Variants in NDUFAF6 observed in about 807,000 individuals in gnomAD.
NDUFAF6 encodes the protein NADH dehydrogenase (ubiquinone) complex I, assembly factor 6.
In NDUFAF6, 45 loss-of-function variants were observed where a neutral mutation model predicts 40.8. That is an observed-to-expected ratio of 1.10 (90% CI 0.87 to 1.42). NDUFAF6 has a LOEUF of 1.42. Ranked by LOEUF, NDUFAF6 falls within the 40% of genes most tolerant of loss-of-function variation. The pLI is 0.00. For synonymous variants in NDUFAF6, 185 were observed against 155.9 expected (o/e 1.19, Z -1.39); for missense variants, 435 against 418.5 (o/e 1.04, Z -0.34).
Position 95,057,827 on chromosome 8 carries a change from C to T in NDUFAF6, c.892C>T (p.Leu298=). The T allele has an allele frequency of 6.2e-7, 1 of 1,610,744 alleles. No homozygotes were observed. The highest frequency in any genetic ancestry group is 1.1e-5 in the South Asian group (1 of 90,978). The stretch of plus-strand genomic sequence containing the variant: ...TTTCCAGGTTTCTCTAGAGGACTTT[C>T]TAAAGAAAATTCAGCGAGTGGATTT... ...FLQTVSLEDF[L]KKIQRVDFDI... Residue 298 remains leucine, a synonymous_variant, in exon 9 of 9, where the codon CTA becomes TTA. Transcript: ENST00000396124.
intron 2 of NDUFAF6, among the ~76,000 whole-genome samples, chr8:94,992,683 G>A (rs1437671495): frequency 1.3e-5 from 2 of 152,128 alleles, no homozygotes. Flanking sequence ...CTCAGTTTCT[G>A]TCCTCCTTGA....
chr8:94,915,441 G>A (rs993256241), intron 1 of NDUFAF6, among the ~76,000 whole-genome samples: 4 of 152,116 alleles, frequency 2.6e-5, no homozygotes, highest in Admixed American at 6.5e-5. Context: ...TGGTATATGT[G>A]TACCATGTTT....
intron 2 of NDUFAF6, among the ~76,000 whole-genome samples, chr8:95,005,267 A>T (rs756103475): frequency 1.3e-5 from 2 of 152,038 alleles, no homozygotes; most frequent in African/African-American, 4.8e-5. Context: ...ATATCTTGAG[A>T]TGTGACAAAG....
At chr8:94,905,168 C>G (rs1438431024) in intron 1 of NDUFAF6, among the ~76,000 whole-genome samples, 1 of 152,048 alleles carries the variant, frequency 6.6e-6, no homozygotes, top group Non-Finnish European at 1.5e-5. Context: ...GCATTGCACT[C>G]TAGCCCAACT....
chr8:95,114,322 G>A (rs532401578), intron 4 of NDUFAF6, among the ~76,000 whole-genome samples: 1 of 152,280 alleles, frequency 6.6e-6, no homozygotes, highest in Non-Finnish European at 1.5e-5. Context: ...GAACCCCAGT[G>A]GTTCCCTGAC....
chr8:94,970,271 A>AAAG (rs1462257907), intron 1 of NDUFAF6, among the ~76,000 whole-genome samples: 5 of 151,584 alleles, frequency 3.3e-5, no homozygotes, highest in African/African-American at 1.2e-4. Context: ...AAAAAAAAAA[A>AAAG]AAGAAGAAGG....
chr8:95,102,443 A>G (rs1409098589), intron 2 of NDUFAF6, among the ~76,000 whole-genome samples: 1 of 152,260 alleles, frequency 6.6e-6, no homozygotes, highest in Non-Finnish European at 1.5e-5. Flanking sequence ...CTAAGGAAGA[A>G]TCTGCTACTG....
chr8:94,925,901 A>AC (rs1236764853), intron 1 of NDUFAF6: 1 of 52,534 alleles, frequency 1.9e-5, no homozygotes, highest in African/African-American at 3.8e-5. Flanking sequence ...CTTTTGGACA[A>AC]AAAAACTAAA....
chr8:94,952,010 A>G (rs1394087797), intron 2 of NDUFAF6, among the ~76,000 whole-genome samples: 2 of 152,244 alleles, frequency 1.3e-5, no homozygotes, highest in Non-Finnish European at 2.9e-5. Context: ...AATTCACAGA[A>G]TAATTCTTAG....
intron 1 of NDUFAF6, among the ~76,000 whole-genome samples, chr8:94,907,460 G>A (rs1239000518): frequency 2.6e-5 from 4 of 152,150 alleles, no homozygotes; most frequent in African/African-American, 9.7e-5. Context: ...CCTAGAAAAG[G>A]GTAGAGCTCA....
At chr8:95,052,372 G>C (rs1465588557) in intron 8 of NDUFAF6, 142 bp downstream of exon 8, 1 of 873,820 alleles carries the variant, frequency 1.1e-6, no homozygotes, top group Admixed American at 2.2e-5. Flanking sequence ...GCTTTCATTA[G>C]TTACTGATGC....
chr8:94,992,745 G>A (rs546177149), intron 2 of NDUFAF6, among the ~76,000 whole-genome samples: 5 of 152,218 alleles, frequency 3.3e-5, no homozygotes, highest in South Asian at 2.1e-4. Flanking sequence ...TGTTCATGAC[G>A]CAAACATTCT....
chr8:95,024,910 C>G (rs1308251259), upstream of NDUFAF6: 1 of 1,083,520 alleles, frequency 9.2e-7, no homozygotes, highest in Non-Finnish European at 1.2e-6. Context: ...AGGCTGCCTT[C>G]CCGCGACTCA....
At chr8:94,923,797 AGCCTCCCAAGTGGCTGGGACTACAG>A (rs1441157750) in intron 1 of NDUFAF6, among the ~76,000 whole-genome samples, 1 of 149,108 alleles carries the variant, frequency 6.7e-6, no homozygotes, top group Admixed American at 6.7e-5. Flanking sequence ...CTTCTGCCTC[AGCCTCCCAAGTGGCTGGGACTACAG>A]GTGCCCGCCA....
intron 9 of NDUFAF6, among the ~76,000 whole-genome samples, chr8:95,065,471 A>G (rs1184555126): frequency 2.0e-5 from 3 of 152,216 alleles, no homozygotes; most frequent in African/African-American, 7.2e-5. Flanking sequence ...CATACATATA[A>G]GTACATTCTA....
At chr8:95,105,859 C>T (rs570375077), downstream of NDUFAF6, among the ~76,000 whole-genome samples, 5 of 152,240 alleles carry the variant, frequency 3.3e-5, no homozygotes, top group Admixed American at 3.3e-4. Context: ...TGGTCTTGAA[C>T]TGCTGTGCTC....
At chr8:95,007,659 GTTTTTT>G (rs553474402) in intron 2 of NDUFAF6, among the ~76,000 whole-genome samples, 1,486 of 103,810 alleles carry the variant, frequency 0.014, 38 homozygotes, top group African/African-American at 0.048. Context: ...GTGAGGCTCT[GTTTTTT>G]TTTTTTTTTT....
intron 1 of NDUFAF6, among the ~76,000 whole-genome samples, chr8:94,925,217 C>G: frequency 6.6e-6 from 1 of 152,196 alleles, no homozygotes; most frequent in South Asian, 2.1e-4. Flanking sequence ...CTGATCTGCC[C>G]CAAACATTCA....
At chr8:94,949,173 G>C (rs1822322636) in intron 2 of NDUFAF6, 1 of 150,772 alleles carries the variant, frequency 6.6e-6, no homozygotes, top group Non-Finnish European at 1.5e-5. Flanking sequence ...GGCCGTGCGG[G>C]GCTGCGCGGG....
Sources: gnomAD v4.1 joint callset for allele counts (sites outside exome capture counted in the v4.1 genomes callset) on GRCh38, gnomAD v4.1.1 for gene constraint, MANE v1.5 for transcripts, NCBI Gene and HGNC (gene_info 2026-07-23, HGNC 2026-07-21) for gene names.